Variants in ART3 observed in about 807,000 individuals in gnomAD.
ART3 encodes ecto-ADP-ribosyltransferase 3.
In ART3, 49 loss-of-function variants were observed where a neutral mutation model predicts 48.5. The ratio of observed to expected loss-of-function variants is 1.01; its 90% CI spans 0.80 to 1.28. The LOEUF is 1.28. Ranked by LOEUF, ART3 falls within the 50% of genes most tolerant of loss-of-function variation. The probability of loss-of-function intolerance (pLI) is 0.00; values close to 1 mark genes in which losing one functional copy is unlikely to be tolerated. For missense variants in ART3, 438 were observed against 454.3 expected, an observed-to-expected ratio of 0.96 and a Z score of 0.33; for synonymous variants, 145 against 157.2, an observed-to-expected ratio of 0.92 and a Z score of 0.58.
intron 2 of ART3, among the ~76,000 whole-genome samples, chr4:76,079,776 T>G (rs959073163): frequency 5.3e-5 from 8 of 152,012 alleles, no homozygotes; most frequent in Non-Finnish European, 1.5e-5. Context: ...TCTTTCAAGA[T>G]GTTTGTTCGT....
intron 1 of ART3, among the ~76,000 whole-genome samples, chr4:76,050,350 T>A (rs1735939405): frequency 1.3e-5 from 2 of 151,950 alleles, no homozygotes; most frequent in African/African-American, 4.8e-5. Flanking sequence ...GTTCTCCACA[T>A]CCCCACCAGA....
intron 3 of ART3, among the ~76,000 whole-genome samples, chr4:76,083,584 ATGTTT>A (rs1264896409): frequency 6.6e-6 from 1 of 152,044 alleles, no homozygotes; most frequent in African/African-American, 2.4e-5. Flanking sequence ...CATCCTTACC[ATGTTT>A]TGTTTGTTGA....
At chr4:76,108,753 T>G (rs375175969) in intron 11 of ART3, among the ~76,000 whole-genome samples, 3 of 152,184 alleles carry the variant, frequency 2.0e-5, no homozygotes, top group Non-Finnish European at 1.5e-5. Context: ...CCCTAGATGG[T>G]ATACCCTGCT....
chr4:76,052,223 A>T (rs1420092550), intron 1 of ART3, among the ~76,000 whole-genome samples: 2 of 152,164 alleles, frequency 1.3e-5, no homozygotes, highest in Non-Finnish European at 1.5e-5. Context: ...TGGGACTTTG[A>T]CATAAGAAGA....
At chr4:76,085,185 G>T (rs1375458013) in intron 3 of ART3, among the ~76,000 whole-genome samples, 3 of 152,188 alleles carry the variant, frequency 2.0e-5, no homozygotes, top group Non-Finnish European at 4.4e-5. Context: ...GGCCTTTTTG[G>T]GTCTTGAAGG....
chr4:76,054,082 G>A (rs1392252210), intron 1 of ART3, among the ~76,000 whole-genome samples: 6 of 152,226 alleles, frequency 3.9e-5, no homozygotes, highest in African/African-American at 1.4e-4. Flanking sequence ...GATTCAGTAA[G>A]AAGGGAGAAA....
At chr4:76,052,265 T>G (rs1249256585) in intron 1 of ART3, among the ~76,000 whole-genome samples, 3 of 152,136 alleles carry the variant, frequency 2.0e-5, no homozygotes, top group African/African-American at 7.2e-5. Context: ...GCTAATGTAG[T>G]CTGGTATTTG....
chr4:76,026,478 G>T (rs995464424), intron 1 of ART3, among the ~76,000 whole-genome samples: 1 of 152,112 alleles, frequency 6.6e-6, no homozygotes, highest in Non-Finnish European at 1.5e-5. Flanking sequence ...ATTTCCATTT[G>T]TTCATCAGAT....
chr4:76,034,738 C>G (rs1024734657), intron 1 of ART3: 1 of 1,312,740 alleles, frequency 7.6e-7, no homozygotes. Context: ...CACAGTTAAA[C>G]TTGTTCTAGG....
chr4:76,054,717 C>T (rs988545760), intron 1 of ART3, among the ~76,000 whole-genome samples: 1 of 151,986 alleles, frequency 6.6e-6, no homozygotes, highest in Non-Finnish European at 1.5e-5. Context: ...ACCTGTAATC[C>T]CACCTATTTG....
intron 1 of ART3, among the ~76,000 whole-genome samples, chr4:76,066,175 T>C (rs1209928552): frequency 6.6e-6 from 1 of 152,214 alleles, no homozygotes; most frequent in Non-Finnish European, 1.5e-5. Context: ...TTTTTTCTTT[T>C]CATACTTCTC....
intron 1 of ART3, among the ~76,000 whole-genome samples, chr4:76,068,110 C>T (rs998427363): frequency 6.6e-6 from 1 of 152,100 alleles, no homozygotes; most frequent in African/African-American, 2.4e-5. Flanking sequence ...ACACAAATTT[C>T]AGGGAGTATG....
At chr4:76,037,863 G>T (rs1225109284) in intron 1 of ART3, among the ~76,000 whole-genome samples, 1 of 151,904 alleles carries the variant, frequency 6.6e-6, no homozygotes, top group Non-Finnish European at 1.5e-5. Flanking sequence ...GGAATTTATA[G>T]CCAGTTTATT....
intron 3 of ART3, 121 bp from the exon 4 acceptor site, chr4:76,097,523 C>A: frequency 1.2e-6 from 1 of 809,338 alleles, no homozygotes; most frequent in South Asian, 1.8e-5. Flanking sequence ...TTGCATCTTA[C>A]TAATTATGAG....
At chr4:76,050,570 A>C (rs1414789965) in intron 1 of ART3, among the ~76,000 whole-genome samples, 1 of 152,166 alleles carries the variant, frequency 6.6e-6, no homozygotes, top group African/African-American at 2.4e-5. Flanking sequence ...TTCCCACCAG[A>C]CTCAGGAGCC....
intron 1 of ART3, chr4:76,012,382 T>A (rs916385196): frequency 1.3e-5 from 2 of 152,206 alleles, no homozygotes; most frequent in Non-Finnish European, 2.9e-5. Flanking sequence ...TAGAAAGGGG[T>A]TTATTTCTTG....
At position 76,046,042 on chromosome 4, in the gene ART3, C is replaced by T. The variant is rs920203227; in HGVS notation, c.-9-29839C>T. Among the ~76,000 whole-genome samples the T allele has an allele frequency of 9.9e-5, 15 of 152,086 alleles. No homozygotes were observed. In the East Asian group the frequency reaches 1.2e-3, roughly 12 times the overall value. ...AGAGATCCAGAGTAGCCTGCTGGCA[C>T]GAGGCTTCCAAACTGGTAGCCAAAA... On this transcript the variant is annotated intron_variant, in intron 1 of 9. Coordinates refer to the ART3 transcript ENST00000341029.
chr4:76,034,864 C>T (rs1365232703), intron 1 of ART3: 2 of 1,512,444 alleles, frequency 1.3e-6, no homozygotes, highest in East Asian at 2.3e-5. Flanking sequence ...GTTCTTGTTT[C>T]CCCCAGGACA....
At position 76,026,382 on chromosome 4, in the gene ART3, A is replaced by G. The variant is rs545034949; in HGVS notation, c.-10+15062A>G. Reference sequence around the variant, plus strand: ...GGGAACTAAAATGCATATGAGAGGCATTTGGTAAATATTGGATAGAAGGAT... The same window carrying G: ...GGGAACTAAAATGCATATGAGAGGCGTTTGGTAAATATTGGATAGAAGGAT... On this transcript the variant is annotated intron_variant, in intron 1 of 9. Coordinates refer to the ART3 transcript ENST00000341029. Among the ~76,000 whole-genome samples, 110 of 152,334 alleles carry G rather than the reference A, an allele frequency of 7.2e-4. 2 individuals carry two copies. The highest frequency in any genetic ancestry group is 9.6e-4 in the East Asian group (5 of 5,192).
Sources: gnomAD v4.1 joint callset for allele counts (sites outside exome capture counted in the v4.1 genomes callset) on GRCh38, gnomAD v4.1.1 for gene constraint, MANE v1.5 for transcripts, NCBI Gene and HGNC (gene_info 2026-07-23, HGNC 2026-07-21) for gene names.